Variants in KHDRBS1 observed in about 807,000 individuals in gnomAD.
KHDRBS1 encodes the protein KH RNA binding domain containing, signal transduction associated 1.
A neutral mutation model predicts 48.4 loss-of-function variants in KHDRBS1; 7 were observed. The observed-to-expected ratio is 0.14, with a 90% CI of 0.08 to 0.27. The LOEUF is 0.27. KHDRBS1 is among the 10% of genes least tolerant of loss of function. The pLI is 1.00. For missense variants in KHDRBS1, 458 were observed against 601.2 expected (o/e 0.76, Z 2.49); for synonymous variants, 241 against 235.8 (o/e 1.02, Z -0.20).
chr1:32,035,496 C>T (rs1392082194), intron 4 of KHDRBS1, among the ~76,000 whole-genome samples: 1 of 152,176 alleles, frequency 6.6e-6, no homozygotes, highest in Non-Finnish European at 1.5e-5. Context: ...AAAGATTTGC[C>T]AGTGGCATTT....
intron 1 of KHDRBS1, among the ~76,000 whole-genome samples, chr1:32,019,111 ACAAAC>A (rs1638804287): frequency 6.6e-6 from 1 of 151,408 alleles, no homozygotes; most frequent in African/African-American, 2.5e-5. Context: ...AAACAAACAA[ACAAAC>A]AAAAAACCAG....
chr1:32,059,179 A>C (rs1009975411), intron 10 of KHDRBS1, among the ~76,000 whole-genome samples: 14 of 151,468 alleles, frequency 9.2e-5, no homozygotes, highest in African/African-American at 2.7e-4. Flanking sequence ...AAAAAAAAAA[A>C]AAAAACAAAA....
chr1:32,032,782 C>G (rs937295381), intron 3 of KHDRBS1, among the ~76,000 whole-genome samples: 1 of 151,924 alleles, frequency 6.6e-6, no homozygotes, highest in African/African-American at 2.4e-5. Flanking sequence ...CTCCACCTCA[C>G]GGGTTCAAGC....
intron 1 of KHDRBS1, among the ~76,000 whole-genome samples, chr1:32,017,858 C>T (rs1466700592): frequency 2.0e-5 from 3 of 151,934 alleles, no homozygotes; most frequent in Admixed American, 1.3e-4. Flanking sequence ...CCGCCTGCCT[C>T]GGCCTCCCAA....
At chr1:32,024,453 G>C (rs1375091874) in intron 1 of KHDRBS1, among the ~76,000 whole-genome samples, 1 of 151,750 alleles carries the variant, frequency 6.6e-6, no homozygotes, top group Non-Finnish European at 1.5e-5. Flanking sequence ...TGGGACAACA[G>C]TTGTACGCCA....
At chr1:32,045,721 A>T (rs1639348520), downstream of KHDRBS1, among the ~76,000 whole-genome samples, 1 of 152,366 alleles carries the variant, frequency 6.6e-6, no homozygotes, top group East Asian at 1.9e-4. Flanking sequence ...AAAGGTGTTA[A>T]GGGCTCAATG....
intron 1 of KHDRBS1, among the ~76,000 whole-genome samples, chr1:32,021,710 G>C (rs1037297636): frequency 6.6e-6 from 1 of 151,948 alleles, no homozygotes; most frequent in Admixed American, 6.6e-5. Context: ...TCTGCTTCCC[G>C]GGTTCAAGCG....
Position 32,037,033 on chromosome 1 carries a change from C to T in KHDRBS1, c.895C>T (p.Pro299Ser). The change falls in exon 5 of 9, where the codon CCT (proline) becomes TCT (serine). Residue 299 changes from proline (P) to serine (S), a missense_variant. Around this residue, in one of 3 missense-constraint regions of KHDRBS1, gnomAD observed 171 missense variants for 228.7 expected, o/e 0.75. Transcript: ENST00000327300. The part of the protein sequence containing the change: ...RGRGAAPPPP[P>S]VPRGRGVGPP... ...CCGGGGAGCTGCACCTCCTCCACCA[C>T]CTGTTCCCAGGTAAAAATAATGGAG... 6.2e-7 allele frequency: 1 copy of T among 1,613,382 alleles called. No individual in the cohort carries two copies. Among genetic ancestry groups the T allele is most frequent in the Non-Finnish European group, 8.5e-7 (1 of 1,179,728 alleles).
At chr1:32,021,350 T>C (rs1638853954) in intron 1 of KHDRBS1, among the ~76,000 whole-genome samples, 1 of 152,036 alleles carries the variant, frequency 6.6e-6, no homozygotes, top group Non-Finnish European at 1.5e-5. Flanking sequence ...TATATTTTTT[T>C]CTGGGTTGCT....
chr1:32,055,254 C>T (rs1639467971), intron 10 of KHDRBS1, among the ~76,000 whole-genome samples: 1 of 152,086 alleles, frequency 6.6e-6, no homozygotes, highest in African/African-American at 2.4e-5. Context: ...TTGAGACCAG[C>T]CTGGCCAACA....
intron 8 of KHDRBS1, among the ~76,000 whole-genome samples, chr1:32,040,212 G>T (rs982734213): frequency 6.6e-6 from 1 of 152,026 alleles, no homozygotes; most frequent in Non-Finnish European, 1.5e-5. Context: ...TCAGGAGTTC[G>T]AGACCAGCCT....
intron 3 of KHDRBS1, among the ~76,000 whole-genome samples, chr1:32,032,379 G>T (rs1277758128): frequency 6.6e-6 from 1 of 152,088 alleles, no homozygotes; most frequent in South Asian, 2.1e-4. Context: ...TATAGTTACG[G>T]CTGAAGTGTG....
rs1557886669 is a variant in KHDRBS1, at chr1:32,013,955, C to T, written c.-41C>T. 2.1e-6 allele frequency: 3 copies of T among 1,412,122 alleles called. No homozygotes were observed. The highest frequency in any genetic ancestry group is 3.0e-5 in the South Asian group (2 of 67,668). The allele number at this position is 1,412,122 out of a possible 1,614,324, so 87.5% of individuals were successfully genotyped here. Reference sequence around the variant, plus strand: ...ACCGCCGCTCGGGCCTCCGTCGCTGCCGCGTCGCTTTCTCGCTCCTTGGAT... The same window carrying T: ...ACCGCCGCTCGGGCCTCCGTCGCTGTCGCGTCGCTTTCTCGCTCCTTGGAT... On this transcript the variant is annotated 5_prime_UTR_variant, in exon 1 of 9. Coordinates refer to ENST00000327300, the MANE Select transcript of KHDRBS1 (RefSeq NM_006559.3).
At chr1:32,048,836 C>T (rs965586914), downstream of KHDRBS1, among the ~76,000 whole-genome samples, 4 of 151,888 alleles carry the variant, frequency 2.6e-5, no homozygotes, top group African/African-American at 7.3e-5. Context: ...AAAAGAAACC[C>T]CATGCCTTTT....
At chr1:32,019,056 C>T (rs1035563266) in intron 1 of KHDRBS1, among the ~76,000 whole-genome samples, 3 of 151,894 alleles carry the variant, frequency 2.0e-5, no homozygotes, top group Non-Finnish European at 4.4e-5. Context: ...GATTGCGCCG[C>T]CACTGCACTC....
chr1:32,034,725 C>T (rs368014237), intron 4 of KHDRBS1, among the ~76,000 whole-genome samples: 1 of 152,026 alleles, frequency 6.6e-6, no homozygotes, highest in African/African-American at 2.4e-5. Flanking sequence ...CACCTGTAAT[C>T]CCAGCATTTT....
At chr1:32,034,871 A>G (rs911983171) in intron 4 of KHDRBS1, among the ~76,000 whole-genome samples, 1 of 151,186 alleles carries the variant, frequency 6.6e-6, no homozygotes, top group Non-Finnish European at 1.5e-5. Context: ...GTCCCAGCTA[A>G]TCGGGAGGCT....
In KHDRBS1 at chr1:32,031,674, T is replaced by C. The variant is rs779686927; in HGVS notation, c.624+34T>C. The C allele has an allele frequency of 8.9e-6, 12 of 1,352,428 alleles. 1 individual carries two copies. In the South Asian group the frequency reaches 1.4e-4, roughly 16 times the overall value. 83.8% of individuals were successfully genotyped at this position (1,352,428 alleles called of 1,614,324 possible). A position where few individuals can be genotyped will look rare whatever the true frequency, so the allele number is the denominator to read the frequency against. ...ACATTAGTGAGGCAAGAGGACATCC[T>C]AATGCCTTCTACTTGCCCAGAATGC... On this transcript the variant is annotated intron_variant, in intron 3 of 8. Coordinates refer to ENST00000327300, the MANE Select transcript of KHDRBS1 (RefSeq NM_006559.3).
At chr1:32,045,132 G>C (rs1047736010), downstream of KHDRBS1, among the ~76,000 whole-genome samples, 2 of 152,118 alleles carry the variant, frequency 1.3e-5, no homozygotes, top group African/African-American at 4.8e-5. Context: ...TTTCTGCTCA[G>C]CTATTTAAAA....
Sources: allele counts gnomAD v4.1 joint callset (sites outside exome capture counted in the v4.1 genomes callset), GRCh38; gene constraint gnomAD v4.1.1; regional missense constraint gnomAD v4.1.1; transcripts MANE v1.5; gene names NCBI Gene and HGNC (gene_info 2026-07-23, HGNC 2026-07-21).